PHTF2: variants seen among roughly 807,000 people sequenced by gnomAD.
The protein encoded by PHTF2 is putative homeodomain transcription factor 2, also known as protein PHTF2.
PHTF2 carries 60 observed loss-of-function variants against 101.2 expected under a neutral mutation model. That is an observed-to-expected ratio of 0.59 (90% CI 0.48 to 0.73). The LOEUF is 0.73. Among genes scored for constraint, PHTF2 ranks in the 30% least tolerant of loss-of-function variants. PHTF2 has a pLI of 0.00. For synonymous variants in PHTF2, 311 were observed against 307.3 expected (o/e 1.01, Z -0.13); for missense variants, 747 against 908.7 (o/e 0.82, Z 2.29).
chr7:77,926,910 C>A lies in PHTF2; in HGVS notation c.1120-2199C>A, dbSNP rs1048701377. Reference sequence around the variant, plus strand: ...CCATGGCTCACCCCTGTAATCCCTGCACTTTGGGAGGCTGAGGTGGGCTGA... The same window carrying A: ...CCATGGCTCACCCCTGTAATCCCTGAACTTTGGGAGGCTGAGGTGGGCTGA... On this transcript the variant is annotated intron_variant, in intron 11 of 19. Coordinates refer to ENST00000416283, the Ensembl canonical transcript of PHTF2. Among the ~76,000 whole-genome samples the A allele has an allele frequency of 1.3e-4, 20 of 152,076 alleles. 1 individual carries two copies. In the East Asian group the frequency reaches 3.9e-3, roughly 29 times the overall value.
intron 9 of PHTF2, among the ~76,000 whole-genome samples, chr7:77,915,711 C>G (rs927801044): frequency 1.3e-5 from 2 of 152,124 alleles, no homozygotes; most frequent in South Asian, 2.1e-4. Context: ...TCTTTTCAAC[C>G]GCTCCAAGCT....
intron 2 of PHTF2, among the ~76,000 whole-genome samples, chr7:77,851,992 G>A (rs1041993956): frequency 2.6e-5 from 4 of 152,132 alleles, no homozygotes; most frequent in African/African-American, 7.2e-5. Context: ...GGAGCATATT[G>A]TTTAATTTCC....
chr7:77,871,711 C>G (rs1443086905), intron 3 of PHTF2, among the ~76,000 whole-genome samples: 1 of 152,136 alleles, frequency 6.6e-6, no homozygotes, highest in Non-Finnish European at 1.5e-5. Context: ...ATTGTGACTT[C>G]GAAAGGGTAT....
At position 77,893,963 on chromosome 7, in the gene PHTF2, C is replaced by A. The variant is rs757102279; in HGVS notation, c.205-19C>A. On this transcript the variant is annotated intron_variant, in intron 4 of 19. Transcript: ENST00000416283. ...AGTTTGCTTTTTCTCCCTTTTGATG[C>A]TGTCATTGCTCTGTACAGTTTATTA... 2.5e-6 allele frequency: 4 copies of A among 1,586,416 alleles called. No individual in the cohort carries two copies. The highest frequency in any genetic ancestry group is 1.7e-5 in the Admixed American group (1 of 59,844).
intron 16 of PHTF2, among the ~76,000 whole-genome samples, chr7:77,947,669 C>T (rs1026240797): frequency 4.6e-5 from 7 of 151,802 alleles, no homozygotes; most frequent in African/African-American, 1.7e-4. Flanking sequence ...TGTTGGAATC[C>T]CTTGTAATTA....
intron 5 of PHTF2, among the ~76,000 whole-genome samples, chr7:77,899,288 G>T (rs1801162686): frequency 6.6e-6 from 1 of 151,272 alleles, no homozygotes; most frequent in African/African-American, 2.4e-5. Context: ...AATCAGAGCT[G>T]AAACAGGAAG....
intron 11 of PHTF2, among the ~76,000 whole-genome samples, chr7:77,926,774 GC>G (rs1804041374): frequency 6.6e-6 from 1 of 150,710 alleles, no homozygotes; most frequent in African/African-American, 2.4e-5. Flanking sequence ...TTAGAGACCC[GC>G]CTGTGCAACA....
chr7:77,802,272 A>G (rs1792620649), intron 1 of PHTF2, among the ~76,000 whole-genome samples: 1 of 152,208 alleles, frequency 6.6e-6, no homozygotes, highest in African/African-American at 2.4e-5. Context: ...GTACTACCCA[A>G]TTTTGATAAT....
chr7:77,799,254 G>A (rs1042217269), intron 1 of PHTF2, among the ~76,000 whole-genome samples: 1 of 152,226 alleles, frequency 6.6e-6, no homozygotes, highest in East Asian at 1.9e-4. Context: ...TGATGGTGAC[G>A]GGCCGAAGCC....
intron 13 of PHTF2, among the ~76,000 whole-genome samples, chr7:77,939,795 A>G (rs1805488248): frequency 6.6e-6 from 1 of 152,094 alleles, no homozygotes; most frequent in Admixed American, 6.5e-5. Context: ...GATCTGGATG[A>G]CAGTCCTTTT....
At chr7:77,895,375 A>G (rs1419569160) in intron 5 of PHTF2, among the ~76,000 whole-genome samples, 1 of 152,142 alleles carries the variant, frequency 6.6e-6, no homozygotes. Context: ...AAAGAGAAGT[A>G]GGAGATCCAT....
chr7:77,912,663 A>G (rs1802505919), intron 9 of PHTF2, among the ~76,000 whole-genome samples: 1 of 133,468 alleles, frequency 7.5e-6, no homozygotes, highest in Non-Finnish European at 1.6e-5. Flanking sequence ...CTATTTTTGT[A>G]TATATATATA....
At chr7:77,895,962 C>T (rs1325015687) in intron 5 of PHTF2, 1 of 152,126 alleles carries the variant, frequency 6.6e-6, no homozygotes, top group African/African-American at 2.4e-5. Context: ...CTCTTTCCTT[C>T]TTTCCCACTA....
intron 13 of PHTF2, among the ~76,000 whole-genome samples, chr7:77,939,285 C>T (rs1805425344): frequency 6.6e-6 from 1 of 151,962 alleles, no homozygotes; most frequent in Non-Finnish European, 1.5e-5. Context: ...TAAGGAGACA[C>T]TTATTTATAT....
At chr7:77,809,665 G>A (rs145522045) in intron 1 of PHTF2, among the ~76,000 whole-genome samples, 8 of 152,190 alleles carry the variant, frequency 5.3e-5, no homozygotes, top group East Asian at 3.9e-4. Flanking sequence ...AGTTTTTATC[G>A]TCTTTGGAAA....
At chr7:77,895,585 G>GA (rs2150808067) in intron 5 of PHTF2, among the ~76,000 whole-genome samples, 1 of 152,134 alleles carries the variant, frequency 6.6e-6, no homozygotes, top group South Asian at 2.1e-4. Flanking sequence ...AAAAGCCTCA[G>GA]AAAAAATATA....
intron 3 of PHTF2, among the ~76,000 whole-genome samples, chr7:77,892,007 T>A (rs1222452873): frequency 1.3e-5 from 2 of 152,292 alleles, no homozygotes; most frequent in East Asian, 1.9e-4. Flanking sequence ...GCCGGGTGCG[T>A]TGGCTCACGC....
intron 1 of PHTF2, among the ~76,000 whole-genome samples, chr7:77,830,840 T>C (rs1278237237): frequency 6.6e-6 from 1 of 152,206 alleles, no homozygotes; most frequent in Non-Finnish European, 1.5e-5. Context: ...ACCCGCCCAT[T>C]ATTTTACTTA....
intron 7 of PHTF2, chr7:77,907,916 C>A (rs1269420631): frequency 6.6e-6 from 1 of 152,042 alleles, no homozygotes; most frequent in Non-Finnish European, 1.5e-5. Flanking sequence ...ATCTTCACTT[C>A]TTTTTGCTGT....
Sources: gnomAD v4.1 joint callset for allele counts (sites outside exome capture counted in the v4.1 genomes callset) on GRCh38, gnomAD v4.1.1 for gene constraint, MANE v1.5 for transcripts, NCBI Gene and HGNC (gene_info 2026-07-23, HGNC 2026-07-21) for gene names.